Variants in GUCY1A2 observed in about 807,000 individuals in gnomAD.
GUCY1A2 encodes the protein guanylate cyclase soluble subunit alpha-2.
Under a neutral mutation model 63.5 loss-of-function variants are expected in GUCY1A2, and 27 were observed. The observed-to-expected ratio is 0.43, with a 90% CI of 0.31 to 0.59. The LOEUF (loss-of-function observed/expected upper bound fraction) is 0.59. Among genes scored for constraint, GUCY1A2 ranks in the 20% least tolerant of loss-of-function variants. The probability of loss-of-function intolerance (pLI) is 0.11; values close to 1 mark genes in which losing one functional copy is unlikely to be tolerated. For synonymous variants in GUCY1A2, 364 were observed against 343.5 expected (o/e 1.06, Z -0.66); for missense variants, 768 against 913.3 (o/e 0.84, Z 2.05).
chr11:106,909,940 A>C (rs1267644726), intron 4 of GUCY1A2, among the ~76,000 whole-genome samples: 1 of 151,942 alleles, frequency 6.6e-6, no homozygotes, highest in Non-Finnish European at 1.5e-5. Flanking sequence ...TGGTCTTTGG[A>C]AGGTAAATTG....
intron 4 of GUCY1A2, among the ~76,000 whole-genome samples, chr11:106,902,702 C>G (rs372771686): frequency 6.6e-6 from 1 of 152,192 alleles, no homozygotes; most frequent in African/African-American, 2.4e-5. Context: ...CAACCATAGT[C>G]TGAAAATATT....
At chr11:106,697,657 C>T (rs1254318197) in intron 7 of GUCY1A2, among the ~76,000 whole-genome samples, 2 of 151,904 alleles carry the variant, frequency 1.3e-5, no homozygotes, top group Admixed American at 6.6e-5. Context: ...AAATTTAAAA[C>T]GATATAGAGG....
intron 6 of GUCY1A2, among the ~76,000 whole-genome samples, chr11:106,771,993 AGCCTCTGAGTTTCATTAGAGTAC>A (rs1864265955): frequency 6.6e-6 from 1 of 152,200 alleles, no homozygotes; most frequent in East Asian, 1.9e-4. Context: ...GTCCAGAAGT[AGCCTCTGAGTTTCATTAGAGTAC>A]TTATTGAACA....
chr11:106,925,486 T>C (rs1216508743), intron 4 of GUCY1A2, among the ~76,000 whole-genome samples: 1 of 152,156 alleles, frequency 6.6e-6, no homozygotes, highest in Non-Finnish European at 1.5e-5. Context: ...TAAATAAAAA[T>C]AGATTTTTAA....
chr11:106,883,400 C>A (rs1859853461), intron 4 of GUCY1A2, among the ~76,000 whole-genome samples: 1 of 151,784 alleles, frequency 6.6e-6, no homozygotes, highest in South Asian at 2.1e-4. Context: ...TTCATTCATT[C>A]ATTCAAAAAT....
intron 6 of GUCY1A2, among the ~76,000 whole-genome samples, chr11:106,711,763 A>G (rs1012383987): frequency 6.6e-6 from 1 of 151,986 alleles, no homozygotes; most frequent in South Asian, 2.1e-4. Flanking sequence ...TTTATGTTTA[A>G]AAGTCTTAAT....
intron 3 of GUCY1A2, among the ~76,000 whole-genome samples, chr11:106,959,312 T>C (rs1488216524): frequency 3.3e-5 from 5 of 152,226 alleles, no homozygotes; most frequent in Non-Finnish European, 5.9e-5. Context: ...GGTTTCATTG[T>C]TTATTTGGTG....
chr11:106,849,585 G>A (rs911382324), intron 4 of GUCY1A2, among the ~76,000 whole-genome samples: 5 of 151,464 alleles, frequency 3.3e-5, no homozygotes, highest in African/African-American at 1.2e-4. Context: ...AATGTGATTT[G>A]AGCCCTCTCC....
chr11:106,776,427 T>G lies in GUCY1A2; in HGVS notation c.1836+12A>C, dbSNP rs185565016. The G allele has an allele frequency of 6.2e-6, 10 of 1,609,290 alleles. No individual in the cohort carries two copies. In the African/African-American group the frequency reaches 1.3e-4, roughly 21 times the overall value. On this transcript the variant is annotated intron_variant, in intron 6 of 7. Transcript: ENST00000526355. Reference sequence around the variant, plus strand: ...GCACTTACTACTCAAACTAGATTGTTGGGAGGGTTACCTGAATCGGTCTTC... The same window carrying G: ...GCACTTACTACTCAAACTAGATTGTGGGGAGGGTTACCTGAATCGGTCTTC...
chr11:106,881,812 T>A (rs940127721), intron 4 of GUCY1A2, among the ~76,000 whole-genome samples: 1 of 152,048 alleles, frequency 6.6e-6, no homozygotes, highest in African/African-American at 2.4e-5. Context: ...GTTCTCTGCA[T>A]GAACACACAC....
At chr11:106,894,093 T>G (rs951753072) in intron 4 of GUCY1A2, among the ~76,000 whole-genome samples, 1 of 152,190 alleles carries the variant, frequency 6.6e-6, no homozygotes, top group South Asian at 2.1e-4. Context: ...AGAGCCTAAC[T>G]GACCCAGGTG....
chr11:106,763,690 G>T (rs150034705), intron 6 of GUCY1A2, among the ~76,000 whole-genome samples: 1 of 152,066 alleles, frequency 6.6e-6, no homozygotes, highest in African/African-American at 2.4e-5. Flanking sequence ...TTTGACTTGA[G>T]AGCCAAGAAA....
At chr11:106,961,634 GCTT>G (rs1000007184) in intron 3 of GUCY1A2, among the ~76,000 whole-genome samples, 20 of 152,280 alleles carry the variant, frequency 1.3e-4, no homozygotes, top group African/African-American at 2.6e-4. Context: ...CTTTCAAAAT[GCTT>G]CTTAAGTGTG....
At chr11:106,833,276 C>T (rs1859074757) in intron 4 of GUCY1A2, among the ~76,000 whole-genome samples, 1 of 152,044 alleles carries the variant, frequency 6.6e-6, no homozygotes, top group African/African-American at 2.4e-5. Context: ...AATAAGGTTA[C>T]ATTCAGAGAT....
intron 4 of GUCY1A2, among the ~76,000 whole-genome samples, chr11:106,907,022 C>T (rs1038897146): frequency 9.2e-5 from 14 of 151,974 alleles, no homozygotes; most frequent in East Asian, 7.7e-4. Flanking sequence ...CACCATGGCA[C>T]GTGTATATCT....
intron 5 of GUCY1A2, among the ~76,000 whole-genome samples, chr11:106,805,051 C>T (rs989866720): frequency 6.6e-6 from 1 of 152,106 alleles, no homozygotes; most frequent in Non-Finnish European, 1.5e-5. Flanking sequence ...AGATTTTTAA[C>T]ATCAGGTTCC....
intron 5 of GUCY1A2, among the ~76,000 whole-genome samples, chr11:106,778,109 A>G (rs1864391745): frequency 6.6e-6 from 1 of 152,180 alleles, no homozygotes; most frequent in Non-Finnish European, 1.5e-5. Context: ...TATCCACAAT[A>G]GAGATGGTGG....
chr11:106,799,176 A>G (rs980144872), intron 5 of GUCY1A2, among the ~76,000 whole-genome samples: 2 of 152,182 alleles, frequency 1.3e-5, no homozygotes, highest in African/African-American at 4.8e-5. Flanking sequence ...ATACCTAGGA[A>G]TCCAACTTAC....
Position 106,676,793 on chromosome 11 carries a change from TAA to T in GUCY1A2, c.*10754_*10755del. The T allele has an allele frequency of 5.2e-6, 1 of 193,340 alleles. No homozygotes were observed. Among genetic ancestry groups the T allele is most frequent in the Non-Finnish European group, 1.1e-5 (1 of 93,154 alleles). The allele number at this position is 193,340 out of a possible 1,614,324, so 12.0% of individuals were successfully genotyped here. ...AGTCTTTAGCAGTGTGGTACTCACA[TAA>T]AAAAAAATGACTACTTGAAAATAAG... On this transcript the variant is annotated 3_prime_UTR_variant, in exon 8 of 8. Coordinates refer to ENST00000526355, the MANE Select transcript of GUCY1A2 (RefSeq NM_000855.3).
Sources: allele counts gnomAD v4.1 joint callset (sites outside exome capture counted in the v4.1 genomes callset), GRCh38; gene constraint gnomAD v4.1.1; transcripts MANE v1.5; gene names NCBI Gene and HGNC (gene_info 2026-07-23, HGNC 2026-07-21).